The following THRB variants were observed in gnomAD, a reference collection of about 807,000 sequenced individuals.
The protein encoded by THRB is nuclear receptor subfamily 1 group A member 2.
THRB carries 12 observed loss-of-function variants against 47.8 expected under a neutral mutation model. The observed-to-expected ratio is 0.25, with a 90% CI of 0.16 to 0.41. The LOEUF is 0.41. THRB is among the 10% of genes least tolerant of loss of function. The pLI, the probability that THRB is intolerant of heterozygous loss-of-function variation, is 1.00. For missense variants in THRB, 348 were observed against 589.2 expected (o/e 0.59, Z 4.24); for synonymous variants, 218 against 212.2 (o/e 1.03, Z -0.24).
chr3:24,208,561 C>T (rs563458854), intron 4 of THRB, among the ~76,000 whole-genome samples: 34 of 152,108 alleles, frequency 2.2e-4, no homozygotes, highest in South Asian at 1.9e-3. Context: ...TACAACCATC[C>T]GATCTTTGAC....
intron 4 of THRB, among the ~76,000 whole-genome samples, chr3:24,203,443 G>A (rs1285715394): frequency 1.3e-5 from 2 of 152,118 alleles, no homozygotes; most frequent in African/African-American, 4.8e-5. Context: ...ATGTCTAAAT[G>A]AATAGGGTTG....
chr3:24,332,292 CT>C (rs2061977598), intron 2 of THRB, among the ~76,000 whole-genome samples: 1 of 152,118 alleles, frequency 6.6e-6, no homozygotes, highest in African/African-American at 2.4e-5. Flanking sequence ...AAGCCATATG[CT>C]AAGAATAGCA....
intron 4 of THRB, among the ~76,000 whole-genome samples, chr3:24,213,862 G>C (rs1035478265): frequency 6.6e-6 from 1 of 152,172 alleles, no homozygotes. Flanking sequence ...TTTGAAGCAA[G>C]ATAACAAGAC....
intron 1 of THRB, among the ~76,000 whole-genome samples, chr3:24,469,759 AGC>A (rs1184192884): frequency 6.6e-6 from 1 of 152,212 alleles, no homozygotes; most frequent in Non-Finnish European, 1.5e-5. Context: ...ACAAACTATG[AGC>A]GCGTGGTAAA....
intron 3 of THRB, among the ~76,000 whole-genome samples, chr3:24,266,378 G>A (rs1294028263): frequency 6.6e-6 from 1 of 152,104 alleles, no homozygotes; most frequent in East Asian, 1.9e-4. Context: ...ACAATACTGA[G>A]GAAAGAAAGG....
intron 3 of THRB, among the ~76,000 whole-genome samples, chr3:24,232,603 T>C (rs1318909459): frequency 2.0e-5 from 3 of 152,172 alleles, no homozygotes; most frequent in Non-Finnish European, 4.4e-5. Flanking sequence ...ATGAGCTTCA[T>C]ACAGAAAAAC....
intron 3 of THRB, among the ~76,000 whole-genome samples, chr3:24,269,273 TACACCACAC>T (rs1173507520): frequency 3.1e-5 from 4 of 127,664 alleles, no homozygotes; most frequent in Non-Finnish European, 3.2e-5. Context: ...TTAAAATGGA[TACACCACAC>T]ACACACACAC....
chr3:24,190,305 T>G lies in THRB; in HGVS notation c.52A>C (p.Lys18Gln), dbSNP rs141960389. The G allele has an allele frequency of 1.3e-4, 206 of 1,614,134 alleles. No homozygotes were observed. In the African/African-American group the frequency reaches 2.5e-3, roughly 20 times the overall value. ...TCGTGTTCTCGGTCTGGACAGTGCT[T>G]CGGTTTGTCCCAGGCTGTAAGGCCA... Reference protein sequence around the residue: ...ENGLTAWDKPKHCPDREHDWK... With the variant: ...ENGLTAWDKPQHCPDREHDWK... Residue 18 changes from lysine to glutamine, a missense_variant, in exon 5 of 11, where the codon AAG becomes CAG. By Grantham distance (53) the Lys-to-Gln change is moderately conservative. Around this residue, in one of 5 missense-constraint regions of THRB, gnomAD observed 148 missense variants for 122.3 expected, o/e 1.21. Coordinates refer to ENST00000646209, the MANE Select transcript of THRB (RefSeq NM_001354712.2).
At chr3:24,169,278 G>A (rs1273426588) in intron 5 of THRB, among the ~76,000 whole-genome samples, 2 of 152,064 alleles carry the variant, frequency 1.3e-5, no homozygotes, top group African/African-American at 2.4e-5. Context: ...CAATTTCTAG[G>A]AAACTTAAAA....
At chr3:24,390,650 C>G (rs2066487911) in intron 1 of THRB, among the ~76,000 whole-genome samples, 1 of 151,892 alleles carries the variant, frequency 6.6e-6, no homozygotes, top group South Asian at 2.1e-4. Context: ...GCTTTATGGC[C>G]TTGAATCCTC....
intron 4 of THRB, among the ~76,000 whole-genome samples, chr3:24,207,620 TC>T (rs2045537551): frequency 6.6e-6 from 1 of 152,076 alleles, no homozygotes; most frequent in South Asian, 2.1e-4. Flanking sequence ...TCCCCATTTT[TC>T]CTTCCTATAC....
chr3:24,262,366 T>C (rs919145719), intron 3 of THRB, among the ~76,000 whole-genome samples: 5 of 152,208 alleles, frequency 3.3e-5, no homozygotes. Flanking sequence ...TTTTAAAACA[T>C]AAATTATGTC....
At chr3:24,443,412 A>G (rs2071746952) in intron 1 of THRB, among the ~76,000 whole-genome samples, 1 of 152,206 alleles carries the variant, frequency 6.6e-6, no homozygotes, top group Non-Finnish European at 1.5e-5. Context: ...TGCCCATGAA[A>G]ATATAATTTC....
At chr3:24,407,825 GA>G (rs1354642775) in intron 1 of THRB, among the ~76,000 whole-genome samples, 1 of 151,794 alleles carries the variant, frequency 6.6e-6, no homozygotes, top group Non-Finnish European at 1.5e-5. Context: ...GGTACCAAAG[GA>G]TACAGAAATA....
At chr3:24,218,014 C>T (rs1559634478) in intron 4 of THRB, among the ~76,000 whole-genome samples, 1 of 152,140 alleles carries the variant, frequency 6.6e-6, no homozygotes, top group Non-Finnish European at 1.5e-5. Flanking sequence ...CGCCTGTAGT[C>T]CCAGCACTTT....
rs113776000 is a variant in THRB at position 24,259,324 on chromosome 3, C to T, written c.-42-30323G>A. ...AGGGACAAGTTACACATTTCAACTA[C>T]GGCATGGAAAAGAGTGTCCTTCCCT... On this transcript the variant is annotated intron_variant, in intron 3 of 10. Coordinates refer to ENST00000646209, the MANE Select transcript of THRB (RefSeq NM_001354712.2). Among the ~76,000 whole-genome samples, 575 of 152,198 alleles carry T rather than the reference C, an allele frequency of 3.8e-3. 5 individuals are homozygous for T. The highest frequency in any genetic ancestry group is 0.013 in the African/African-American group (549 of 41,516).
chr3:24,436,942 T>C (rs2125348380), intron 1 of THRB, among the ~76,000 whole-genome samples: 1 of 152,114 alleles, frequency 6.6e-6, no homozygotes, highest in South Asian at 2.1e-4. Context: ...AAATCCACTT[T>C]AGGAAATGGA....
chr3:24,253,383 A>C (rs1176838204), intron 3 of THRB, among the ~76,000 whole-genome samples: 1 of 152,232 alleles, frequency 6.6e-6, no homozygotes, highest in African/African-American at 2.4e-5. Flanking sequence ...ATGGAGATAC[A>C]GCATTGAACA....
chr3:24,278,527 C>A (rs1373654377), intron 3 of THRB, among the ~76,000 whole-genome samples: 4 of 152,154 alleles, frequency 2.6e-5, no homozygotes, highest in Non-Finnish European at 5.9e-5. Flanking sequence ...ATAATATTAT[C>A]ATTTATACAA....
Sources: allele counts gnomAD v4.1 joint callset (sites outside exome capture counted in the v4.1 genomes callset), GRCh38; gene constraint gnomAD v4.1.1; regional missense constraint gnomAD v4.1.1; transcripts MANE v1.5; gene names NCBI Gene and HGNC (gene_info 2026-07-23, HGNC 2026-07-21).